Variants in PLXDC2 observed in about 807,000 individuals in gnomAD.
The protein encoded by PLXDC2 is plexin domain containing 2.
Under a neutral mutation model 68.9 loss-of-function variants are expected in PLXDC2, and 40 were observed. That is an observed-to-expected ratio of 0.58 (90% CI 0.45 to 0.76). PLXDC2 has a LOEUF of 0.76. Among genes scored for constraint, PLXDC2 ranks in the 30% least tolerant of loss-of-function variants. The pLI is 0.00. For missense variants in PLXDC2, 644 were observed against 661.9 expected (o/e 0.97, Z 0.30); for synonymous variants, 243 against 234.2 (o/e 1.04, Z -0.34).
chr10:20,113,978 G>A (rs1252270307), intron 4 of PLXDC2, among the ~76,000 whole-genome samples: 2 of 152,076 alleles, frequency 1.3e-5, no homozygotes, highest in Non-Finnish European at 2.9e-5. Context: ...ATAAAAATTA[G>A]TTAGGCATGA....
intron 9 of PLXDC2, among the ~76,000 whole-genome samples, chr10:20,191,328 T>A (rs956399879): frequency 2.0e-5 from 3 of 151,928 alleles, no homozygotes; most frequent in Non-Finnish European, 4.4e-5. Context: ...AGTTCTTGAA[T>A]TTTTTCTTCA....
At chr10:19,999,218 A>C in intron 1 of PLXDC2, among the ~76,000 whole-genome samples, 1 of 152,168 alleles carries the variant, frequency 6.6e-6, no homozygotes, top group East Asian at 1.9e-4. Context: ...GAAGGTGCTA[A>C]TGGGTATTCC....
At chr10:20,145,284 T>C (rs1834061972) in intron 5 of PLXDC2, among the ~76,000 whole-genome samples, 2 of 152,188 alleles carry the variant, frequency 1.3e-5, no homozygotes, top group African/African-American at 4.8e-5. Context: ...TAATGAAAAC[T>C]TACGTTTTAT....
chr10:20,064,382 A>G (rs1400231851), intron 3 of PLXDC2, among the ~76,000 whole-genome samples: 1 of 151,760 alleles, frequency 6.6e-6, no homozygotes, highest in Non-Finnish European at 1.5e-5. Flanking sequence ...CACCACGCCC[A>G]TCTAATTTTT....
At chr10:20,120,815 T>C (rs1833687082) in intron 4 of PLXDC2, among the ~76,000 whole-genome samples, 1 of 152,074 alleles carries the variant, frequency 6.6e-6, no homozygotes, top group Non-Finnish European at 1.5e-5. Context: ...ATTTCCACCA[T>C]GGAAAGGAAA....
chr10:20,206,094 T>C (rs1834987427), intron 9 of PLXDC2, among the ~76,000 whole-genome samples: 1 of 152,124 alleles, frequency 6.6e-6, no homozygotes, highest in South Asian at 2.1e-4. Context: ...ATGTAATCTT[T>C]TCACATTACA....
At chr10:20,198,811 G>A (rs570114844) in intron 9 of PLXDC2, among the ~76,000 whole-genome samples, 1 of 152,198 alleles carries the variant, frequency 6.6e-6, no homozygotes, top group South Asian at 2.1e-4. Context: ...ATATGAAGAA[G>A]ACACAAGGCA....
At chr10:20,069,047 A>C (rs1345304751) in intron 4 of PLXDC2, among the ~76,000 whole-genome samples, 1 of 152,210 alleles carries the variant, frequency 6.6e-6, no homozygotes, top group African/African-American at 2.4e-5. Flanking sequence ...CCATAGGTGT[A>C]CAAAGAGGCT....
chr10:20,192,558 G>A (rs1834781069), intron 9 of PLXDC2, among the ~76,000 whole-genome samples: 1 of 151,972 alleles, frequency 6.6e-6, no homozygotes, highest in Non-Finnish European at 1.5e-5. Context: ...AGCAAAAATG[G>A]TGTTTGAAGA....
At chr10:20,215,519 T>G (rs1378174503) in intron 10 of PLXDC2, among the ~76,000 whole-genome samples, 2 of 151,998 alleles carry the variant, frequency 1.3e-5, no homozygotes, top group African/African-American at 4.8e-5. Flanking sequence ...AATTTGGGTT[T>G]GCAAAATAAG....
chr10:20,259,483 G>A (rs1835783348), intron 13 of PLXDC2, among the ~76,000 whole-genome samples: 1 of 152,142 alleles, frequency 6.6e-6, no homozygotes, highest in Admixed American at 6.5e-5. Context: ...TAGAAAATCT[G>A]TGGACAATAT....
In PLXDC2 at chr10:20,199,281, A is replaced by G. The variant is rs187666343; in HGVS notation, c.1062-12388A>G. Among the ~76,000 whole-genome samples, 563 of 152,116 alleles carry G rather than the reference A, an allele frequency of 3.7e-3. 5 individuals carry two copies. The highest frequency in any genetic ancestry group is 0.01 in the Middle Eastern group (3 of 294). ...AGACAGAGGTTACTTACTACATGCA[A>G]TAATAAATATCATTTTACAACATAA... On this transcript the variant is annotated intron_variant, in intron 9 of 13. Coordinates refer to ENST00000377252, the MANE Select transcript of PLXDC2 (RefSeq NM_032812.9).
chr10:19,976,762 TG>T (rs1834463662), intron 1 of PLXDC2, among the ~76,000 whole-genome samples: 1 of 152,122 alleles, frequency 6.6e-6, no homozygotes, highest in Admixed American at 6.6e-5. Context: ...CTTTTGTGTG[TG>T]TGTGGGTGGT....
chr10:20,095,768 T>A (rs1833341630), intron 4 of PLXDC2, among the ~76,000 whole-genome samples: 2 of 152,108 alleles, frequency 1.3e-5, no homozygotes, highest in Admixed American at 6.6e-5. Flanking sequence ...AGATGGATGA[T>A]CCTGGTGGTA....
intron 3 of PLXDC2, among the ~76,000 whole-genome samples, chr10:20,054,666 A>G (rs1387080281): frequency 1.3e-5 from 2 of 152,064 alleles, no homozygotes; most frequent in Non-Finnish European, 2.9e-5. Context: ...GAACACATGG[A>G]CACAGGAAGG....
At chr10:20,234,116 C>T (rs1259901370) in intron 12 of PLXDC2, among the ~76,000 whole-genome samples, 2 of 152,058 alleles carry the variant, frequency 1.3e-5, no homozygotes, top group African/African-American at 2.4e-5. Context: ...TGTGAGCCAC[C>T]GTGCCCGGCC....
intron 4 of PLXDC2, among the ~76,000 whole-genome samples, chr10:20,068,699 G>C (rs1836261741): frequency 6.7e-6 from 1 of 150,148 alleles, no homozygotes; most frequent in Non-Finnish European, 1.5e-5. Context: ...ATGTGCATTA[G>C]CTTTGATCAT....
intron 7 of PLXDC2, among the ~76,000 whole-genome samples, chr10:20,174,474 A>G (rs1402277806): frequency 6.6e-6 from 1 of 152,088 alleles, no homozygotes; most frequent in Admixed American, 6.6e-5. Flanking sequence ...GTGTTTTCCA[A>G]TGTGATACGC....
chr10:20,158,392 CTAAATAGCTTGTT>C (rs1834244714), intron 6 of PLXDC2, among the ~76,000 whole-genome samples: 1 of 148,486 alleles, frequency 6.7e-6, no homozygotes, highest in African/African-American at 2.5e-5. Flanking sequence ...AGCTATACTT[CTAAATAGCTTGTT>C]TATACATACA....
Sources: gnomAD v4.1 joint callset for allele counts (sites outside exome capture counted in the v4.1 genomes callset) on GRCh38, gnomAD v4.1.1 for gene constraint, MANE v1.5 for transcripts, NCBI Gene and HGNC (gene_info 2026-07-23, HGNC 2026-07-21) for gene names.